The following ACVR1B variants were observed in gnomAD, a reference collection of about 807,000 sequenced individuals.
The protein encoded by ACVR1B is activin receptor type-1B.
ACVR1B carries 15 observed loss-of-function variants against 55.6 expected under a neutral mutation model. The ratio of observed to expected loss-of-function variants is 0.27; its 90% CI spans 0.18 to 0.42. The LOEUF (loss-of-function observed/expected upper bound fraction) is 0.42, where lower values mean the gene tolerates loss of function less well. Ranked by LOEUF, ACVR1B falls within the 10% of genes least tolerant of loss-of-function variation. ACVR1B has a pLI of 1.00. For synonymous variants in ACVR1B, 247 were observed against 254.6 expected, an observed-to-expected ratio of 0.97 and a Z score of 0.28; for missense variants, 359 against 670.1, an observed-to-expected ratio of 0.54 and a Z score of 5.13.
intron 1 of ACVR1B, among the ~76,000 whole-genome samples, chr12:51,969,825 C>G (rs1390563630): frequency 6.6e-6 from 1 of 152,128 alleles, no homozygotes; most frequent in Non-Finnish European, 1.5e-5. Context: ...TTTGAGGCTG[C>G]AGTGAGCTAT....
chr12:51,989,101 C>CA (rs1320416876), intron 7 of ACVR1B, among the ~76,000 whole-genome samples: 3 of 151,936 alleles, frequency 2.0e-5, no homozygotes, highest in Non-Finnish European at 2.9e-5. Flanking sequence ...ATTAAAAATA[C>CA]AAAAATTAGC....
chr12:51,956,159 G>T (rs61914044), intron 1 of ACVR1B, among the ~76,000 whole-genome samples: 4,086 of 152,202 alleles, frequency 0.027, 72 homozygotes, highest in Non-Finnish European at 0.04. Context: ...GCTCTCTAGG[G>T]TTCAGAGACA....
chr12:51,967,488 G>A (rs557262352), intron 1 of ACVR1B, among the ~76,000 whole-genome samples: 54 of 152,262 alleles, frequency 3.5e-4, no homozygotes, highest in Admixed American at 1.3e-3. Context: ...GAACCCAGGA[G>A]GCAATGGTTG....
At chr12:51,989,515 C>T in intron 7 of ACVR1B, among the ~76,000 whole-genome samples, 1 of 152,054 alleles carries the variant, frequency 6.6e-6, no homozygotes, top group South Asian at 2.1e-4. Context: ...GAACTCCTGA[C>T]CTCAGGTGGT....
chr12:51,960,452 T>C (rs1182051878), intron 1 of ACVR1B, among the ~76,000 whole-genome samples: 2 of 152,172 alleles, frequency 1.3e-5, no homozygotes, highest in Non-Finnish European at 2.9e-5. Flanking sequence ...AAATGGACTT[T>C]TTTTCTGCTT....
chr12:51,952,585 C>G (rs1941323333), intron 1 of ACVR1B, among the ~76,000 whole-genome samples: 1 of 152,162 alleles, frequency 6.6e-6, no homozygotes, highest in African/African-American at 2.4e-5. Flanking sequence ...CCTATGGAAC[C>G]GAGTTCCCCA....
chr12:51,958,813 C>T (rs930467921), intron 1 of ACVR1B, among the ~76,000 whole-genome samples: 5 of 152,166 alleles, frequency 3.3e-5, no homozygotes, highest in African/African-American at 1.2e-4. Context: ...CTCAGGTACC[C>T]GCCTGCCACT....
At position 51,996,359 on chromosome 12, in the gene ACVR1B, C is replaced by T. The variant is rs1048167293; in HGVS notation, c.*2249C>T. 2 of 152,596 alleles carry T rather than the reference C, an allele frequency of 1.3e-5. No homozygotes were observed. Among genetic ancestry groups the T allele is most frequent in the African/African-American group, 4.8e-5 (2 of 41,410 alleles). The allele number at this position is 152,596 out of a possible 1,614,324, so 9.5% of individuals were successfully genotyped here. On this transcript the variant is annotated 3_prime_UTR_variant, in exon 9 of 9. Transcript: ENST00000257963. ...CCCTCAGGCTCCCCAGTGCTCCTGG[C>T]CCTTCTATTTATTTGACTGATTATT...
At chr12:51,962,129 A>G (rs1291355066) in intron 1 of ACVR1B, among the ~76,000 whole-genome samples, 1 of 152,218 alleles carries the variant, frequency 6.6e-6, no homozygotes, top group Non-Finnish European at 1.5e-5. Context: ...CTCCAAGTAG[A>G]ATGTCAGAAA....
At chr12:51,990,286 T>A (rs182685994) in intron 7 of ACVR1B, among the ~76,000 whole-genome samples, 19 of 138,720 alleles carry the variant, frequency 1.4e-4, no homozygotes, top group South Asian at 2.5e-4. Context: ...AGAGTGAAAC[T>A]CACACACACA....
chr12:51,979,639 G>A (rs2120647112), intron 3 of ACVR1B, among the ~76,000 whole-genome samples: 1 of 152,340 alleles, frequency 6.6e-6, no homozygotes, highest in South Asian at 2.1e-4. Context: ...TGATGTGCTT[G>A]TGCTGGGGAA....
At chr12:51,971,137 C>T (rs1941740143) in intron 1 of ACVR1B, among the ~76,000 whole-genome samples, 1 of 152,118 alleles carries the variant, frequency 6.6e-6, no homozygotes, top group African/African-American at 2.4e-5. Context: ...TTTCTGAGTT[C>T]CAGCTGTGTT....
rs1266481629 is a variant in ACVR1B, at chr12:51,993,754, GAGACTCCTTCTAAAAAAAAAAAAAAAAAA to G, written c.1393-229_1393-201del. Among the ~76,000 whole-genome samples the G allele has an allele frequency of 1.7e-4, 18 of 105,356 alleles. No homozygotes were observed. The East Asian group carries it at 5.6e-3, about 33-fold the overall frequency. 69.1% of individuals were successfully genotyped at this position (105,356 alleles called of 152,430 possible). ...TGCACTCCAGCCTGGGTGACAGAGT[GAGACTCCTTCTAAAAAAAAAAAAAAAAAA>G]AAAAAAAAAAAAAAAAAAAAAGGAA... On this transcript the variant is annotated intron_variant, in intron 8 of 8. Coordinates refer to ENST00000257963, the MANE Select transcript of ACVR1B (RefSeq NM_004302.5).
intron 1 of ACVR1B, among the ~76,000 whole-genome samples, chr12:51,972,065 AG>A (rs1014501893): frequency 1.1e-4 from 17 of 151,988 alleles, no homozygotes; most frequent in African/African-American, 4.1e-4. Context: ...TTTTACATTG[AG>A]GGGGGGATTA....
chr12:51,991,851 C>A lies in ACVR1B; in HGVS notation c.1262-12C>A, dbSNP rs1254956424. On this transcript the variant is annotated splice_polypyrimidine_tract_variant and intron_variant, in intron 7 of 8. Coordinates refer to ENST00000257963, the MANE Select transcript of ACVR1B (RefSeq NM_004302.5). ...TGTTGATAACTCAGGTAGATACTTTCTTTTCTCCCAGGAGTCCATGAAGAA... is the reference window on the plus strand; with the variant it reads ...TGTTGATAACTCAGGTAGATACTTTATTTTCTCCCAGGAGTCCATGAAGAA... 1 of 1,610,268 alleles carries A rather than the reference C, an allele frequency of 6.2e-7. No homozygotes were observed. Among genetic ancestry groups the A allele is most frequent in the Non-Finnish European group, 8.5e-7 (1 of 1,177,920 alleles).
At chr12:51,978,064 TCTC>T (rs1369461524) in intron 3 of ACVR1B, among the ~76,000 whole-genome samples, 4 of 151,996 alleles carry the variant, frequency 2.6e-5, no homozygotes, top group Admixed American at 2.6e-4. Context: ...AGCTGTGACA[TCTC>T]CTGAATTTCA....
intron 2 of ACVR1B, 117 bp downstream of exon 2, chr12:51,975,621 T>C: frequency 7.3e-7 from 1 of 1,373,132 alleles, no homozygotes; most frequent in African/African-American, 1.4e-5. Flanking sequence ...GCCTTTTGGA[T>C]GTTCCCGAAG....
intron 3 of ACVR1B, among the ~76,000 whole-genome samples, chr12:51,979,590 C>T (rs1941939581): frequency 6.6e-6 from 1 of 151,994 alleles, no homozygotes; most frequent in Admixed American, 6.6e-5. Context: ...TGAAGGTCCA[C>T]TGTATGTTTA....
intron 3 of ACVR1B, among the ~76,000 whole-genome samples, chr12:51,979,603 G>C (rs1287381422): frequency 6.6e-6 from 1 of 152,116 alleles, no homozygotes; most frequent in Non-Finnish European, 1.5e-5. Flanking sequence ...TATGTTTAAA[G>C]AACTTTTATG....
Sources: gnomAD v4.1 joint callset for allele counts (sites outside exome capture counted in the v4.1 genomes callset) on GRCh38, gnomAD v4.1.1 for gene constraint, MANE v1.5 for transcripts, NCBI Gene and HGNC (gene_info 2026-07-23, HGNC 2026-07-21) for gene names.